Variants in DMXL1 observed in about 807,000 individuals in gnomAD.
The protein encoded by DMXL1 is dmX-like protein 1.
In DMXL1, 99 loss-of-function variants were observed where a neutral mutation model predicts 319.2. The ratio of observed to expected loss-of-function variants is 0.31; its 90% CI spans 0.26 to 0.37. DMXL1 has a LOEUF of 0.37. Among genes scored for constraint, DMXL1 ranks in the 10% least tolerant of loss-of-function variants. The probability of loss-of-function intolerance (pLI) is 1.00; values close to 1 mark genes in which losing one functional copy is unlikely to be tolerated. For synonymous variants in DMXL1, 1,385 were observed against 1,235.2 expected (o/e 1.12, Z -2.54); for missense variants, 3,745 against 3,595.6 (o/e 1.04, Z -1.06).
At position 119,078,023 on chromosome 5, in the gene DMXL1, C is replaced by G. The variant is rs568761078; in HGVS notation, c.87+6367C>G. Among the ~76,000 whole-genome samples the G allele has an allele frequency of 1.3e-4, 20 of 151,948 alleles. 1 individual carries two copies. In the South Asian group the frequency reaches 4.2e-3, roughly 32 times the overall value. Reference sequence around the variant, plus strand: ...GTGCTGGGATTACAGGTGTGAACCACCATGCCTGGGATGTTTTAGGTTTTT... The same window carrying G: ...GTGCTGGGATTACAGGTGTGAACCAGCATGCCTGGGATGTTTTAGGTTTTT... On this transcript the variant is annotated intron_variant, in intron 1 of 43. Transcript: ENST00000539542.
intron 38 of DMXL1, among the ~76,000 whole-genome samples, chr5:119,228,793 A>C (rs916857549): frequency 2.0e-5 from 3 of 152,208 alleles, no homozygotes; most frequent in Non-Finnish European, 2.9e-5. Context: ...TAGTAAGGTT[A>C]CTGTGGAAAA....
At chr5:119,148,131 A>G (rs1324115855) in intron 17 of DMXL1, among the ~76,000 whole-genome samples, 1 of 152,208 alleles carries the variant, frequency 6.6e-6, no homozygotes, top group East Asian at 1.9e-4. Flanking sequence ...AAGTCTAAGC[A>G]AATGTTAAGT....
chr5:119,143,135 A>C (rs898389892), intron 13 of DMXL1, among the ~76,000 whole-genome samples: 20 of 152,048 alleles, frequency 1.3e-4, no homozygotes, highest in African/African-American at 4.6e-4. Flanking sequence ...TACTGGGCTT[A>C]GTACCTGGAT....
In DMXL1 at chr5:119,071,207, G is replaced by A. The variant is rs965550398; in HGVS notation, c.-363G>A. 1.1e-5 allele frequency: 3 copies of A among 269,794 alleles called. No individual in the cohort carries two copies. The highest frequency in any genetic ancestry group is 1.0e-4 in the South Asian group (3 of 28,606). 16.7% of individuals were successfully genotyped at this position (269,794 alleles called of 1,614,324 possible). A position where few individuals can be genotyped will look rare whatever the true frequency, so the allele number is the denominator to read the frequency against. On this transcript the variant is annotated 5_prime_UTR_variant, in exon 1 of 44. Coordinates refer to ENST00000539542, the MANE Select transcript of DMXL1 (RefSeq NM_001290321.3). ...GCGCCACTCGGGCTGGGTCAGGAGC[G>A]GCTGCCCGAGGTCCAGAGGAAGTGT...
At chr5:119,097,673 C>T (rs547179671) in intron 1 of DMXL1, among the ~76,000 whole-genome samples, 4 of 152,156 alleles carry the variant, frequency 2.6e-5, no homozygotes, top group Admixed American at 1.3e-4. Flanking sequence ...GCCGAGATTG[C>T]GCCACTGCAC....
chr5:119,127,187 T>A (rs1290751717), intron 9 of DMXL1: 1 of 168,746 alleles, frequency 5.9e-6, no homozygotes, highest in Non-Finnish European at 1.3e-5. Flanking sequence ...GTCTTGTATG[T>A]GTGTTCCTAT....
intron 29 of DMXL1, 64 bp from the exon 30 acceptor site, chr5:119,193,764 C>T: frequency 2.1e-6 from 3 of 1,446,380 alleles, no homozygotes; most frequent in Non-Finnish European, 2.9e-6. Context: ...TACTATTAGA[C>T]TGTATGTTTG....
At chr5:119,125,499 A>T (rs113167078) in intron 9 of DMXL1, among the ~76,000 whole-genome samples, 2 of 152,304 alleles carry the variant, frequency 1.3e-5, no homozygotes, top group South Asian at 2.1e-4. Context: ...TGAATTACTA[A>T]TGAGATTCTA....
At chr5:119,104,608 A>G (rs75166479) in intron 3 of DMXL1, among the ~76,000 whole-genome samples, 4,190 of 152,314 alleles carry the variant, frequency 0.028, 183 homozygotes, top group African/African-American at 0.095. Context: ...AGAGTATGTC[A>G]CATGTAATAA....
chr5:119,164,359 A>G (rs1342537694), intron 19 of DMXL1, 148 bp from the exon 20 acceptor site: 2 of 707,960 alleles, frequency 2.8e-6, no homozygotes, highest in African/African-American at 3.6e-5. Flanking sequence ...GAAGAAGGAA[A>G]AACTTAAAAA....
At chr5:119,150,862 T>A (rs891940305) in intron 18 of DMXL1, among the ~76,000 whole-genome samples, 3 of 151,722 alleles carry the variant, frequency 2.0e-5, no homozygotes, top group Non-Finnish European at 4.4e-5. Context: ...TAACTTTTTT[T>A]CCCCCCGAGA....
chr5:119,177,060 C>T (rs1258683368), intron 26 of DMXL1, among the ~76,000 whole-genome samples: 1 of 152,090 alleles, frequency 6.6e-6, no homozygotes, highest in Non-Finnish European at 1.5e-5. Flanking sequence ...TCATTTTCAA[C>T]CAGATAACTA....
At chr5:119,193,570 G>T (rs180780120) in intron 29 of DMXL1, among the ~76,000 whole-genome samples, 1 of 152,088 alleles carries the variant, frequency 6.6e-6, no homozygotes, top group Non-Finnish European at 1.5e-5. Context: ...GGTGGTGATT[G>T]TATCTGTCTT....
chr5:119,196,534 T>G, intron 31 of DMXL1, 78 bp downstream of exon 31: 2 of 973,370 alleles, frequency 2.1e-6, no homozygotes, highest in East Asian at 2.5e-5. Context: ...TTTTTTTTTT[T>G]GGTCTGGACT....
chr5:119,118,715 C>A (rs1457476429), intron 7 of DMXL1, 100 bp from the exon 8 acceptor site: 9 of 851,336 alleles, frequency 1.1e-5, no homozygotes, highest in Non-Finnish European at 1.6e-5. Flanking sequence ...TTCATTGGTA[C>A]CTTAGTTGGT....
rs1554139454 is a variant in DMXL1 at position 119,202,887 on chromosome 5, A to ATATATATATATATATT, written c.7746-417_7746-416insTTATATATATATATAT. ...TACATATATATATATATATATTTTT[A>ATATATATATATATATT]TATATATATATATATATATTTATAT... is the stretch of plus-strand genomic sequence containing the variant. On this transcript the variant is annotated intron_variant, in intron 32 of 43. Transcript: ENST00000539542. 5.8e-3 allele frequency among the ~76,000 whole-genome samples: 646 copies of ATATATATATATATATT among 111,566 alleles called. 16 individuals are homozygous for ATATATATATATATATT. Among genetic ancestry groups the ATATATATATATATATT allele is most frequent in the African/African-American group, 0.021 (603 of 28,258 alleles). 73.2% of individuals were successfully genotyped at this position (111,566 alleles called of 152,430 possible). A position where few individuals can be genotyped will look rare whatever the true frequency, so the allele number is the denominator to read the frequency against.
At chr5:119,176,459 T>C (rs1581167532) in intron 26 of DMXL1, among the ~76,000 whole-genome samples, 1 of 152,084 alleles carries the variant, frequency 6.6e-6, no homozygotes, top group African/African-American at 2.4e-5. Context: ...ATTCACTTTC[T>C]TATTATTTAG....
intron 16 of DMXL1, 68 bp downstream of exon 16, chr5:119,147,024 A>G (rs1481106385): frequency 6.5e-6 from 10 of 1,543,444 alleles, no homozygotes; most frequent in African/African-American, 4.1e-5. Flanking sequence ...ACAAAATTAG[A>G]TAATTTGGGA....
chr5:119,244,629 A>G, intron 43 of DMXL1, 53 bp downstream of exon 43: 1 of 1,391,678 alleles, frequency 7.2e-7, no homozygotes, highest in Non-Finnish European at 1.0e-6. Context: ...CAGAAACCTT[A>G]GCTCTTTAAT....
Sources: gnomAD v4.1 joint callset for allele counts (sites outside exome capture counted in the v4.1 genomes callset) on GRCh38, gnomAD v4.1.1 for gene constraint, MANE v1.5 for transcripts, NCBI Gene and HGNC (gene_info 2026-07-23, HGNC 2026-07-21) for gene names.